ZNF407: variants seen among roughly 807,000 people sequenced by gnomAD.
ZNF407 encodes zinc finger protein 407.
In ZNF407, 17 loss-of-function variants were observed where a neutral mutation model predicts 131.2. The observed-to-expected ratio is 0.13, with a 90% confidence interval of 0.09 to 0.19. The LOEUF (loss-of-function observed/expected upper bound fraction) is 0.19. ZNF407 is among the 10% of genes least tolerant of loss of function. The pLI is 1.00. For missense variants in ZNF407, 2,681 were observed against 2,830.6 expected (o/e 0.95, Z 1.20); for synonymous variants, 1,156 against 1,062.0 (o/e 1.09, Z -1.72).
intron 7 of ZNF407, chr18:74,898,273 A>T (rs1256068105): frequency 6.6e-6 from 1 of 152,236 alleles, no homozygotes; most frequent in Non-Finnish European, 1.5e-5. Context: ...AGACAATATT[A>T]TATCTTTTAT....
At chr18:74,776,880 T>G (rs546537695) in intron 3 of ZNF407, among the ~76,000 whole-genome samples, 2 of 152,304 alleles carry the variant, frequency 1.3e-5, no homozygotes, top group South Asian at 2.1e-4. Flanking sequence ...ATGTGTATAT[T>G]TAGTATTCTT....
intron 8 of ZNF407, among the ~76,000 whole-genome samples, chr18:75,059,126 A>G (rs556729360): frequency 6.6e-6 from 1 of 152,312 alleles, no homozygotes; most frequent in East Asian, 1.9e-4. Flanking sequence ...GTATTTACCC[A>G]TTTAGTTTAC....
intron 8 of ZNF407, among the ~76,000 whole-genome samples, chr18:74,949,173 A>G (rs1459597971): frequency 6.6e-6 from 1 of 152,250 alleles, no homozygotes; most frequent in Non-Finnish European, 1.5e-5. Flanking sequence ...CTTTCTGACA[A>G]ACACACATTT....
At position 75,012,800 on chromosome 18, in the gene ZNF407, A is replaced by T. The variant is rs1972995822; in HGVS notation, c.5429-50350A>T. Among the ~76,000 whole-genome samples the T allele has an allele frequency of 2.0e-5, 3 of 152,078 alleles. No homozygotes were observed. The South Asian group carries it at 6.2e-4, about 31-fold the overall frequency. On this transcript the variant is annotated intron_variant, in intron 8 of 8. Transcript: ENST00000299687. ...GATGATATAAATACCTTATTTCATG[A>T]ATGGTTTATTCATTAAAATCTTGTA... is the stretch of plus-strand genomic sequence containing the variant.
intron 3 of ZNF407, among the ~76,000 whole-genome samples, chr18:74,751,763 G>T (rs756912423): frequency 1.3e-5 from 2 of 152,146 alleles, no homozygotes; most frequent in Non-Finnish European, 2.9e-5. Context: ...TCTTAATCCA[G>T]TCTATCATTG....
chr18:74,964,580 GTTTTTTTT>G (rs35373107), intron 8 of ZNF407, among the ~76,000 whole-genome samples: 1 of 118,616 alleles, frequency 8.4e-6, no homozygotes, highest in Non-Finnish European at 1.8e-5. Context: ...TATCATCCGG[GTTTTTTTT>G]TTTTTTTTTT....
At chr18:74,942,268 T>C (rs930680809) in intron 8 of ZNF407, among the ~76,000 whole-genome samples, 1 of 152,216 alleles carries the variant, frequency 6.6e-6, no homozygotes, top group Admixed American at 6.5e-5. Flanking sequence ...AGGTGCTCGT[T>C]ATCAGAGAAA....
intron 4 of ZNF407, among the ~76,000 whole-genome samples, chr18:74,806,967 T>A (rs1245762750): frequency 3.3e-5 from 5 of 152,184 alleles, no homozygotes; most frequent in African/African-American, 1.2e-4. Flanking sequence ...AATAAACACT[T>A]CTTACCCATA....
At chr18:74,676,274 T>C (rs1045199141) in intron 3 of ZNF407, among the ~76,000 whole-genome samples, 3 of 151,948 alleles carry the variant, frequency 2.0e-5, no homozygotes, top group African/African-American at 7.3e-5. Flanking sequence ...TGTGTTTTAG[T>C]AGAGACAGGG....
At chr18:74,968,633 G>A (rs1246488584) in intron 8 of ZNF407, among the ~76,000 whole-genome samples, 2 of 152,144 alleles carry the variant, frequency 1.3e-5, no homozygotes, top group African/African-American at 4.8e-5. Context: ...CATATTTTCA[G>A]ATGAGAAATC....
chr18:74,863,977 A>G (rs1367632920), intron 4 of ZNF407, among the ~76,000 whole-genome samples: 1 of 152,204 alleles, frequency 6.6e-6, no homozygotes, highest in Non-Finnish European at 1.5e-5. Context: ...AGACAAATTA[A>G]ATAATAAAGA....
At chr18:74,687,077 G>T (rs1365522729) in intron 3 of ZNF407, among the ~76,000 whole-genome samples, 2 of 152,204 alleles carry the variant, frequency 1.3e-5, no homozygotes, top group Admixed American at 1.3e-4. Flanking sequence ...GGCTGGTGTG[G>T]TGGCTTATGC....
At chr18:74,623,902 G>T (rs1983675492) in intron 1 of ZNF407, among the ~76,000 whole-genome samples, 1 of 152,110 alleles carries the variant, frequency 6.6e-6, no homozygotes. Context: ...GAATCTTGGT[G>T]GCACAGTGAA....
chr18:74,917,424 G>A lies in ZNF407; in HGVS notation c.5250-3090G>A, dbSNP rs555256755. Among the ~76,000 whole-genome samples the A allele has an allele frequency of 3.3e-5, 5 of 152,148 alleles. No homozygotes were observed. The South Asian group carries it at 8.3e-4, about 25-fold the overall frequency. ...CATATCTGTATAAGAATATATGTGT[G>A]GAATAGTCCTTAATGCCTTTTAAAA... On this transcript the variant is annotated intron_variant, in intron 7 of 8. Transcript: ENST00000299687.
chr18:75,012,858 A>T (rs1972996536), intron 8 of ZNF407, among the ~76,000 whole-genome samples: 1 of 151,890 alleles, frequency 6.6e-6, no homozygotes, highest in Admixed American at 6.6e-5. Context: ...TTCTAAATTC[A>T]GCTACTGGCT....
intron 3 of ZNF407, among the ~76,000 whole-genome samples, chr18:74,652,147 A>G (rs1985256846): frequency 6.6e-6 from 1 of 152,078 alleles, no homozygotes; most frequent in Admixed American, 6.6e-5. Context: ...AGGCTTTTGA[A>G]AATATTATTC....
intron 7 of ZNF407, among the ~76,000 whole-genome samples, chr18:74,891,097 A>C (rs1971378897): frequency 6.6e-6 from 1 of 152,150 alleles, no homozygotes; most frequent in Non-Finnish European, 1.5e-5. Flanking sequence ...GTACATGATG[A>C]GGTATGTGTA....
intron 3 of ZNF407, among the ~76,000 whole-genome samples, chr18:74,675,810 A>G (rs1986332541): frequency 6.6e-6 from 1 of 152,126 alleles, no homozygotes; most frequent in Non-Finnish European, 1.5e-5. Context: ...GAACACTTGA[A>G]TCCCACTCAT....
chr18:74,936,659 A>G (rs891239982), intron 8 of ZNF407, among the ~76,000 whole-genome samples: 1 of 152,088 alleles, frequency 6.6e-6, no homozygotes, highest in African/African-American at 2.4e-5. Flanking sequence ...CTCTGTATGA[A>G]CCTCTGTTTA....
Sources: allele counts gnomAD v4.1 joint callset (sites outside exome capture counted in the v4.1 genomes callset), GRCh38; gene constraint gnomAD v4.1.1; transcripts MANE v1.5; gene names NCBI Gene and HGNC (gene_info 2026-07-23, HGNC 2026-07-21).